Variants in SERPINB7 observed in about 807,000 individuals in gnomAD.
The protein encoded by SERPINB7 is serpin family B member 7.
In SERPINB7, 31 loss-of-function variants were observed where a neutral mutation model predicts 37.4. The ratio of observed to expected loss-of-function variants is 0.83; its 90% CI spans 0.62 to 1.12. SERPINB7 has a LOEUF of 1.12. Among genes scored for constraint, SERPINB7 ranks in the 50% most tolerant of loss-of-function variants. SERPINB7 has a pLI of 0.00. For missense variants in SERPINB7, 521 were observed against 455.3 expected (o/e 1.14, Z -1.31); for synonymous variants, 163 against 166.1 (o/e 0.98, Z 0.14).
At chr18:63,798,828 C>G (rs2049517451) in intron 6 of SERPINB7, 82 bp downstream of exon 6, 5 of 1,399,944 alleles carry the variant, frequency 3.6e-6, no homozygotes, top group Non-Finnish European at 4.9e-6. Context: ...ACATAGTAAA[C>G]TCTAGGTTCA....
intron 2 of SERPINB7, among the ~76,000 whole-genome samples, chr18:63,789,618 G>A (rs918786491): frequency 3.3e-5 from 5 of 152,262 alleles, no homozygotes; most frequent in Non-Finnish European, 7.4e-5. Context: ...AGAGTACCCA[G>A]TATATTCTCT....
At chr18:63,799,810 C>T (rs2049527548) in intron 6 of SERPINB7, among the ~76,000 whole-genome samples, 1 of 152,100 alleles carries the variant, frequency 6.6e-6, no homozygotes, top group Non-Finnish European at 1.5e-5. Flanking sequence ...GGTTCAAGGA[C>T]AGAGAATTAT....
chr18:63,763,705 GTTTCAGCT>G (rs1003772851), intron 1 of SERPINB7, among the ~76,000 whole-genome samples: 5 of 152,212 alleles, frequency 3.3e-5, no homozygotes, highest in Non-Finnish European at 7.4e-5. Context: ...TAAAGAATGA[GTTTCAGCT>G]TTCACTGGTG....
intron 1 of SERPINB7, among the ~76,000 whole-genome samples, chr18:63,778,459 A>G (rs2049271951): frequency 1.3e-5 from 2 of 152,086 alleles, no homozygotes; most frequent in South Asian, 2.1e-4. Flanking sequence ...TTAAAAAATA[A>G]TGTGTCATGA....
At chr18:63,791,908 C>A (rs960201618) in intron 2 of SERPINB7, among the ~76,000 whole-genome samples, 3 of 152,096 alleles carry the variant, frequency 2.0e-5, no homozygotes, top group African/African-American at 7.2e-5. Context: ...CCGCACCCGG[C>A]CAGTCCACAG....
intron 6 of SERPINB7, among the ~76,000 whole-genome samples, chr18:63,799,035 C>T (rs549677291): frequency 1.2e-4 from 18 of 152,106 alleles, no homozygotes; most frequent in African/African-American, 4.3e-4. Context: ...AATTGGAGAC[C>T]TATAAGAAAA....
rs185688118 is a variant in SERPINB7 at position 63,785,645 on chromosome 18, C to T, written c.168+3105C>T. On this transcript the variant is annotated intron_variant, in intron 2 of 7. Coordinates refer to ENST00000398019, the MANE Select transcript of SERPINB7 (RefSeq NM_003784.4). ...GTTGAAGTGCCATGAAGGCTGCTCA[C>T]CATTTGAGTGAAAGAGCTGGAAAAG... Among the ~76,000 whole-genome samples the T allele has an allele frequency of 5.5e-3, 836 of 151,874 alleles. 6 individuals carry two copies. Among genetic ancestry groups the T allele is most frequent in the African/African-American group, 0.019 (775 of 41,448 alleles).
intron 2 of SERPINB7, among the ~76,000 whole-genome samples, chr18:63,787,769 T>C (rs2049387248): frequency 6.6e-6 from 1 of 152,212 alleles, no homozygotes; most frequent in Non-Finnish European, 1.5e-5. Flanking sequence ...TTCCTTTCTC[T>C]GCAAGGCTTC....
At chr18:63,800,081 G>T (rs1448632068) in intron 6 of SERPINB7, among the ~76,000 whole-genome samples, 5 of 150,698 alleles carry the variant, frequency 3.3e-5, no homozygotes, top group African/African-American at 9.8e-5. Context: ...TTTGAGACAG[G>T]GTCTTAAGCT....
chr18:63,758,900 AG>A (rs1353747177), intron 1 of SERPINB7, among the ~76,000 whole-genome samples: 12 of 152,230 alleles, frequency 7.9e-5, no homozygotes, highest in Non-Finnish European at 8.8e-5. Flanking sequence ...GTGGGGTCCA[AG>A]AGTTTTCATA....
chr18:63,766,799 C>T (rs373412444), intron 1 of SERPINB7, among the ~76,000 whole-genome samples: 1 of 152,224 alleles, frequency 6.6e-6, no homozygotes, highest in Non-Finnish European at 1.5e-5. Context: ...CTGACATTAC[C>T]ATCTAAAGGC....
At chr18:63,761,155 C>T (rs956245339) in intron 1 of SERPINB7, among the ~76,000 whole-genome samples, 7 of 152,214 alleles carry the variant, frequency 4.6e-5, no homozygotes, top group African/African-American at 1.7e-4. Context: ...CTGTCCAAGA[C>T]CATGGAAACC....
chr18:63,804,797 C>T lies in SERPINB7; in HGVS notation c.*162C>T, dbSNP rs2144652279. On this transcript the variant is annotated 3_prime_UTR_variant, in exon 8 of 8. Coordinates refer to ENST00000398019, the MANE Select transcript of SERPINB7 (RefSeq NM_003784.4). ...CTGGTGACTTGACCCTTCCTAGACA[C>T]CTGGTTGATTGTCCTGATCCCTGCT... is the stretch of plus-strand genomic sequence containing the variant. The T allele has an allele frequency of 1.5e-6, 1 of 655,070 alleles. No individual in the cohort carries two copies. Among genetic ancestry groups the T allele is most frequent in the Non-Finnish European group, 2.6e-6 (1 of 389,652 alleles). The allele number at this position is 655,070 out of a possible 1,614,324, so 40.6% of individuals were successfully genotyped here.
chr18:63,774,357 T>A (rs2049230105), upstream of SERPINB7, among the ~76,000 whole-genome samples: 1 of 152,096 alleles, frequency 6.6e-6, no homozygotes, highest in South Asian at 2.1e-4. Context: ...AATAGCTTTT[T>A]ACAATAGAGA....
chr18:63,770,873 G>GCGCACACA (rs1555692942), upstream of SERPINB7, among the ~76,000 whole-genome samples: 47 of 148,834 alleles, frequency 3.2e-4, no homozygotes, highest in Non-Finnish European at 6.1e-4. Flanking sequence ...GTCTGCACAT[G>GCGCACACA]CACACACACA....
At chr18:63,787,908 CT>C (rs1462237723) in intron 2 of SERPINB7, among the ~76,000 whole-genome samples, 1 of 152,150 alleles carries the variant, frequency 6.6e-6, no homozygotes, top group Non-Finnish European at 1.5e-5. Flanking sequence ...TTACTATTGT[CT>C]AGTGATGTTG....
upstream of SERPINB7, among the ~76,000 whole-genome samples, chr18:63,774,394 T>C (rs1019672664): frequency 4.6e-5 from 7 of 152,124 alleles, no homozygotes; most frequent in African/African-American, 1.7e-4. Context: ...AAATGTTGGC[T>C]GTACTTTTGA....
At chr18:63,756,342 A>G (rs1202253235) in intron 1 of SERPINB7, among the ~76,000 whole-genome samples, 1 of 151,972 alleles carries the variant, frequency 6.6e-6, no homozygotes, top group Non-Finnish European at 1.5e-5. Context: ...GTGGGTGTGT[A>G]AAATGTTTGG....
At chr18:63,758,662 G>A (rs2049135279) in intron 1 of SERPINB7, among the ~76,000 whole-genome samples, 1 of 152,112 alleles carries the variant, frequency 6.6e-6, no homozygotes, top group Admixed American at 6.5e-5. Context: ...TGACCAGAAG[G>A]TCATATTATC....
Sources: allele counts gnomAD v4.1 joint callset (sites outside exome capture counted in the v4.1 genomes callset), GRCh38; gene constraint gnomAD v4.1.1; transcripts MANE v1.5; gene names NCBI Gene and HGNC (gene_info 2026-07-23, HGNC 2026-07-21).